Variants in PRKD1 observed in about 807,000 individuals in gnomAD.
The protein encoded by PRKD1 is serine/threonine-protein kinase D1.
A neutral mutation model predicts 95.9 loss-of-function variants in PRKD1; 63 were observed. That is an observed-to-expected ratio of 0.66 (90% CI 0.54 to 0.81). The LOEUF (loss-of-function observed/expected upper bound fraction) is 0.81, where lower values mean the gene tolerates loss of function less well. Ranked by LOEUF, PRKD1 falls within the 30% of genes least tolerant of loss-of-function variation. PRKD1 has a pLI of 0.00. For missense variants in PRKD1, 1,048 were observed against 1,165.3 expected (o/e 0.90, Z 1.47); for synonymous variants, 425 against 423.1 (o/e 1.00, Z -0.05).
At chr14:29,605,083 C>T (rs1235804975) in intron 13 of PRKD1, among the ~76,000 whole-genome samples, 2 of 152,122 alleles carry the variant, frequency 1.3e-5, no homozygotes, top group African/African-American at 4.8e-5. Context: ...ACACTGACCC[C>T]TTACCTTCAT....
At chr14:29,880,033 T>C (rs866945902) in intron 1 of PRKD1, among the ~76,000 whole-genome samples, 4 of 152,162 alleles carry the variant, frequency 2.6e-5, no homozygotes, top group Non-Finnish European at 5.9e-5. Flanking sequence ...GATGATGCAG[T>C]AGAAAAGAAA....
At chr14:29,738,955 C>A (rs981898591) in intron 1 of PRKD1, among the ~76,000 whole-genome samples, 2 of 152,020 alleles carry the variant, frequency 1.3e-5, no homozygotes, top group Admixed American at 1.3e-4. Flanking sequence ...TCTGCCTCAG[C>A]CTCTGGTGTA....
chr14:29,708,065 T>A (rs1041981429), intron 2 of PRKD1, among the ~76,000 whole-genome samples: 1 of 152,168 alleles, frequency 6.6e-6, no homozygotes, highest in Admixed American at 6.5e-5. Flanking sequence ...TGCTGCTTAA[T>A]AAATGCTGTT....
chr14:29,689,970 G>A (rs1261909914), intron 2 of PRKD1, among the ~76,000 whole-genome samples: 14 of 152,140 alleles, frequency 9.2e-5, no homozygotes, highest in Admixed American at 6.5e-4. Flanking sequence ...GCCTGTCACC[G>A]GGTTGTAGGA....
chr14:29,897,509 C>A (rs551994901), intron 1 of PRKD1, among the ~76,000 whole-genome samples: 39 of 152,186 alleles, frequency 2.6e-4, no homozygotes, highest in Non-Finnish European at 4.9e-4. Context: ...AGCAAACAGA[C>A]CTTCATCATT....
intron 1 of PRKD1, among the ~76,000 whole-genome samples, chr14:29,789,938 T>A (rs1889459131): frequency 6.6e-6 from 1 of 151,186 alleles, no homozygotes; most frequent in Admixed American, 6.6e-5. Flanking sequence ...GGCCCTTGGA[T>A]AACACATTTT....
intron 1 of PRKD1, among the ~76,000 whole-genome samples, chr14:29,927,030 A>C (rs1277237985): frequency 6.6e-6 from 1 of 151,960 alleles, no homozygotes; most frequent in African/African-American, 2.4e-5. Context: ...AAATCGGTGA[A>C]TAGAGGAAGA....
At chr14:29,713,560 A>G (rs1885440873) in intron 2 of PRKD1, among the ~76,000 whole-genome samples, 1 of 152,186 alleles carries the variant, frequency 6.6e-6, no homozygotes, top group Admixed American at 6.6e-5. Flanking sequence ...TCAGTTACTG[A>G]CATTTCATTA....
intron 2 of PRKD1, among the ~76,000 whole-genome samples, chr14:29,704,773 A>G (rs535530277): frequency 3.3e-5 from 5 of 152,266 alleles, no homozygotes; most frequent in Middle Eastern, 3.4e-3. Context: ...GGTATTTTAA[A>G]TGAGTTATTT....
In PRKD1 at chr14:29,769,615, T is replaced by C. The variant is rs563870547; in HGVS notation, c.265-43941A>G. On this transcript the variant is annotated intron_variant, in intron 1 of 17. Coordinates refer to ENST00000331968, the MANE Select transcript of PRKD1 (RefSeq NM_002742.3). ...GAGACAGAGAGAGACAGTCCATGTG[T>C]GTCAACATTTTTATCCATGTGGAAA... Among the ~76,000 whole-genome samples, 30 of 152,226 alleles carry C rather than the reference T, an allele frequency of 2.0e-4. No individual in the cohort carries two copies. The East Asian group carries it at 4.2e-3, about 22-fold the overall frequency.
intron 1 of PRKD1, among the ~76,000 whole-genome samples, chr14:29,892,355 G>A (rs955776069): frequency 6.6e-6 from 1 of 150,582 alleles, no homozygotes; most frequent in African/African-American, 2.4e-5. Flanking sequence ...TAGCCAAATG[G>A]TTGAGGAAGT....
At chr14:29,851,369 T>A (rs1471119929) in intron 1 of PRKD1, among the ~76,000 whole-genome samples, 2 of 151,462 alleles carry the variant, frequency 1.3e-5, no homozygotes, top group African/African-American at 4.8e-5. Flanking sequence ...GAAACTTAAA[T>A]CAACAAGCAA....
chr14:29,720,471 AAAAC>A (rs1249396661), intron 2 of PRKD1, among the ~76,000 whole-genome samples: 4 of 152,110 alleles, frequency 2.6e-5, no homozygotes, highest in Non-Finnish European at 5.9e-5. Context: ...GTTTGATTAA[AAAAC>A]AAACAAAAAA....
intron 13 of PRKD1, among the ~76,000 whole-genome samples, chr14:29,612,632 A>G (rs896110332): frequency 3.3e-5 from 5 of 152,154 alleles, no homozygotes; most frequent in Non-Finnish European, 7.3e-5. Context: ...TTCTGACAGA[A>G]TATCTATTTG....
chr14:29,695,490 C>T (rs960077175), intron 2 of PRKD1, among the ~76,000 whole-genome samples: 6 of 152,008 alleles, frequency 3.9e-5, no homozygotes, highest in Admixed American at 1.3e-4. Flanking sequence ...AATTTGATAA[C>T]GGAGCAGAGG....
chr14:29,830,964 C>T (rs892982108), intron 1 of PRKD1, among the ~76,000 whole-genome samples: 12 of 152,278 alleles, frequency 7.9e-5, no homozygotes, highest in African/African-American at 2.6e-4. Flanking sequence ...GGTTTATAGG[C>T]ATGACCCACT....
At chr14:29,901,353 T>C (rs908638010) in intron 1 of PRKD1, among the ~76,000 whole-genome samples, 17 of 151,480 alleles carry the variant, frequency 1.1e-4, no homozygotes, top group African/African-American at 4.1e-4. Context: ...TAGAAGGGAG[T>C]GGAAAAGAGG....
chr14:29,873,895 C>A (rs1431725595), intron 1 of PRKD1, among the ~76,000 whole-genome samples: 1 of 151,876 alleles, frequency 6.6e-6, no homozygotes, highest in Non-Finnish European at 1.5e-5. Flanking sequence ...AATATGTGGC[C>A]AAATTTGTTT....
intron 1 of PRKD1, among the ~76,000 whole-genome samples, chr14:29,859,188 T>G (rs1268875310): frequency 6.6e-6 from 1 of 152,176 alleles, no homozygotes; most frequent in Admixed American, 6.6e-5. Context: ...AATCTGACAG[T>G]AAGCTGGGCG....
Sources: gnomAD v4.1 joint callset for allele counts (sites outside exome capture counted in the v4.1 genomes callset) on GRCh38, gnomAD v4.1.1 for gene constraint, MANE v1.5 for transcripts, NCBI Gene and HGNC (gene_info 2026-07-23, HGNC 2026-07-21) for gene names.